KCNJ6: variants seen among roughly 807,000 people sequenced by gnomAD.
KCNJ6 encodes G protein-activated inward rectifier potassium channel 2.
In KCNJ6, 9 loss-of-function variants were observed where a neutral mutation model predicts 34.2. The observed-to-expected ratio is 0.26, with a 90% CI of 0.16 to 0.46. KCNJ6 has a LOEUF of 0.46. KCNJ6 is among the 20% of genes least tolerant of loss of function. The pLI, the probability that KCNJ6 is intolerant of heterozygous loss-of-function variation, is 1.00. For missense variants in KCNJ6, 236 were observed against 531.3 expected, an observed-to-expected ratio of 0.44 and a Z score of 5.46; for synonymous variants, 196 against 207.1, an observed-to-expected ratio of 0.95 and a Z score of 0.46.
intron 2 of KCNJ6, among the ~76,000 whole-genome samples, chr21:37,758,209 G>GTC (rs1212957122): frequency 6.6e-6 from 1 of 151,718 alleles, no homozygotes; most frequent in Non-Finnish European, 1.5e-5. Flanking sequence ...GGAGGTGGGT[G>GTC]TCTGCAGATG....
intron 2 of KCNJ6, among the ~76,000 whole-genome samples, chr21:37,784,772 G>A (rs1009159765): frequency 1.3e-5 from 2 of 152,116 alleles, no homozygotes; most frequent in African/African-American, 4.8e-5. Context: ...GCAGAGCAAC[G>A]TTAGAATTCC....
At position 37,612,895 on chromosome 21, in the gene KCNJ6, G is replaced by T. The variant is rs2054247946; in HGVS notation, c.*12264C>A. On this transcript the variant is annotated 3_prime_UTR_variant, in exon 4 of 4. Transcript: ENST00000609713. ...CCTTGGATATGGCAATAGATTTTTA[G>T]ATAGAACACCAAAGACATGATCATG... 6.6e-6 allele frequency: 1 copy of T among 152,070 alleles called. No individual in the cohort carries two copies. The highest frequency in any genetic ancestry group is 2.4e-5 in the African/African-American group (1 of 41,390). 9.4% of individuals were successfully genotyped at this position (152,070 alleles called of 1,614,324 possible). A position where few individuals can be genotyped will look rare whatever the true frequency, so the allele number is the denominator to read the frequency against.
intron 2 of KCNJ6, among the ~76,000 whole-genome samples, chr21:37,752,992 C>T (rs1448267523): frequency 1.3e-5 from 2 of 152,150 alleles, no homozygotes; most frequent in Admixed American, 1.3e-4. Context: ...AGAGAAAAGA[C>T]AAGGGCTGCC....
At chr21:37,750,502 G>A (rs538121784) in intron 2 of KCNJ6, among the ~76,000 whole-genome samples, 12 of 152,218 alleles carry the variant, frequency 7.9e-5, no homozygotes, top group Non-Finnish European at 1.6e-4. Flanking sequence ...ATGATAGACC[G>A]GATAAAGAAA....
intron 3 of KCNJ6, among the ~76,000 whole-genome samples, chr21:37,645,743 T>A (rs2054401254): frequency 6.6e-6 from 1 of 152,190 alleles, no homozygotes; most frequent in Non-Finnish European, 1.5e-5. Context: ...CCTTTGGTGG[T>A]AGCTACTAGA....
chr21:37,611,744 C>T lies in KCNJ6; in HGVS notation c.*13415G>A, dbSNP rs925026113. 2 of 152,026 alleles carry T rather than the reference C, an allele frequency of 1.3e-5. No individual in the cohort carries two copies. The highest frequency in any genetic ancestry group is 2.9e-5 in the Non-Finnish European group (2 of 67,976). 9.4% of individuals were successfully genotyped at this position (152,026 alleles called of 1,614,324 possible). ...GGCAAAAGAAGAAAAATTGCATGATCATATCAACAGATGCAGAAAAATCCA... is the reference window on the plus strand; with the variant it reads ...GGCAAAAGAAGAAAAATTGCATGATTATATCAACAGATGCAGAAAAATCCA... On this transcript the variant is annotated 3_prime_UTR_variant, in exon 4 of 4. Coordinates refer to ENST00000609713, the MANE Select transcript of KCNJ6 (RefSeq NM_002240.5).
At chr21:37,793,193 A>T (rs1350422197) in intron 2 of KCNJ6, among the ~76,000 whole-genome samples, 1 of 152,234 alleles carries the variant, frequency 6.6e-6, no homozygotes, top group Non-Finnish European at 1.5e-5. Context: ...ATTAAATAAC[A>T]GCTCTGTCTT....
intron 3 of KCNJ6, among the ~76,000 whole-genome samples, chr21:37,666,601 A>G (rs1320248827): frequency 6.6e-6 from 1 of 152,126 alleles, no homozygotes; most frequent in South Asian, 2.1e-4. Context: ...CCACTGTGCA[A>G]TCTTCCAAGT....
intron 2 of KCNJ6, among the ~76,000 whole-genome samples, chr21:37,811,970 C>T (rs4555440): frequency 1.3e-5 from 2 of 152,008 alleles, no homozygotes; most frequent in East Asian, 3.9e-4. Flanking sequence ...TGCAACACTG[C>T]CAGTTGGGCA....
At chr21:37,838,128 A>G (rs1601495019) in intron 2 of KCNJ6, among the ~76,000 whole-genome samples, 1 of 152,344 alleles carries the variant, frequency 6.6e-6, no homozygotes, top group South Asian at 2.1e-4. Context: ...GAATGGGTGC[A>G]CCCAGTCATT....
rs558076631 is a variant in KCNJ6, at chr21:37,681,061, G to A, written c.946+33150C>T. Among the ~76,000 whole-genome samples, 111 of 152,338 alleles carry A rather than the reference G, an allele frequency of 7.3e-4. 1 individual carries two copies. Among genetic ancestry groups the A allele is most frequent in the Middle Eastern group, 3.4e-3 (1 of 294 alleles). The stretch of plus-strand genomic sequence containing the variant: ...TCCCATCAAGGACACTGGGCCTGAG[G>A]ATCATGTTGGTTGTGAATGTCGCTA... On this transcript the variant is annotated intron_variant, in intron 3 of 3. Coordinates refer to ENST00000609713, the MANE Select transcript of KCNJ6 (RefSeq NM_002240.5).
At chr21:37,742,186 G>A (rs2054944501) in intron 2 of KCNJ6, among the ~76,000 whole-genome samples, 1 of 152,186 alleles carries the variant, frequency 6.6e-6, no homozygotes, top group African/African-American at 2.4e-5. Flanking sequence ...GGGAAATTTG[G>A]TTATTAACCA....
intron 3 of KCNJ6, among the ~76,000 whole-genome samples, chr21:37,655,216 TGTGTGTGTGAGAGAGAGAGAGAGAGA>T (rs1488475926): frequency 0.14 from 2,799 of 20,264 alleles, 71 homozygotes; most frequent in East Asian, 0.26. Flanking sequence ...TGTGTGTGTG[TGTGTGTGTGAGAGAGAGAGAGAGAGA>T]GAGAGAGAGA....
chr21:37,641,189 A>T (rs2054379258), intron 3 of KCNJ6, among the ~76,000 whole-genome samples: 2 of 152,208 alleles, frequency 1.3e-5, no homozygotes, highest in African/African-American at 4.8e-5. Context: ...TTCTGTGGGC[A>T]GGAGCTCTGT....
rs2054254135 is a variant in KCNJ6 at position 37,614,416 on chromosome 21, CTGTGTGAGTA to C, written c.*10733_*10742del. On this transcript the variant is annotated 3_prime_UTR_variant, in exon 4 of 4. Coordinates refer to ENST00000609713, the MANE Select transcript of KCNJ6 (RefSeq NM_002240.5). ...TGTGTGCGTATGCATGTGTCTGTGT[CTGTGTGAGTA>C]TGCGTGTATCTCTGTGTGTATGCAT... 2.3e-5 allele frequency: 2 copies of C among 87,542 alleles called. No individual in the cohort carries two copies. The highest frequency in any genetic ancestry group is 5.2e-5 in the Non-Finnish European group (2 of 38,536). 5.4% of individuals were successfully genotyped at this position (87,542 alleles called of 1,614,324 possible).
At chr21:37,799,139 T>C (rs2055257389) in intron 2 of KCNJ6, among the ~76,000 whole-genome samples, 1 of 152,320 alleles carries the variant, frequency 6.6e-6, no homozygotes, top group South Asian at 2.1e-4. Flanking sequence ...ATTCTCTTCA[T>C]GTAACTCCCA....
At chr21:37,864,999 C>T (rs991451110) in intron 1 of KCNJ6, among the ~76,000 whole-genome samples, 3 of 151,978 alleles carry the variant, frequency 2.0e-5, no homozygotes, top group African/African-American at 7.3e-5. Flanking sequence ...GTCACTGTGC[C>T]TGGCCCAGAA....
At chr21:37,683,006 C>T (rs2054597213) in intron 3 of KCNJ6, among the ~76,000 whole-genome samples, 2 of 152,368 alleles carry the variant, frequency 1.3e-5, no homozygotes, top group African/African-American at 4.8e-5. Context: ...AGAGCTGGAA[C>T]ATTCAAGCCA....
At chr21:37,690,334 C>T (rs1343992380) in intron 3 of KCNJ6, among the ~76,000 whole-genome samples, 1 of 152,174 alleles carries the variant, frequency 6.6e-6, no homozygotes, top group Non-Finnish European at 1.5e-5. Context: ...AAGGACTTGT[C>T]AATGATACAT....
Sources: gnomAD v4.1 joint callset for allele counts (sites outside exome capture counted in the v4.1 genomes callset) on GRCh38, gnomAD v4.1.1 for gene constraint, MANE v1.5 for transcripts, NCBI Gene and HGNC (gene_info 2026-07-23, HGNC 2026-07-21) for gene names.